The following GTF2F2 variants were observed in gnomAD, a reference collection of about 807,000 sequenced individuals.
The protein encoded by GTF2F2 is ATP-dependent helicase GTF2F2.
In GTF2F2, 23 loss-of-function variants were observed where a neutral mutation model predicts 42.2. The observed-to-expected ratio is 0.55, with a 90% CI of 0.39 to 0.77. GTF2F2 has a LOEUF of 0.77. Among genes scored for constraint, GTF2F2 ranks in the 30% least tolerant of loss-of-function variants. GTF2F2 has a pLI of 0.00. For synonymous variants in GTF2F2, 105 were observed against 100.8 expected, an observed-to-expected ratio of 1.04 and a Z score of -0.25; for missense variants, 261 against 287.2, an observed-to-expected ratio of 0.91 and a Z score of 0.66.
Position 45,212,473 on chromosome 13 carries a change from T to C in GTF2F2, c.386+4968T>C, listed in dbSNP as rs1477735650. On this transcript the variant is annotated intron_variant, in intron 5 of 7. Coordinates refer to ENST00000340473, the MANE Select transcript of GTF2F2 (RefSeq NM_004128.3). ...TTTCTTTCTTTCTTTCTTTCTTTCT[T>C]TCTTTCTTTCTTTCTTTCTTTCTTT... Among the ~76,000 whole-genome samples the C allele has an allele frequency of 7.2e-3, 925 of 128,310 alleles. 52 individuals are homozygous for C. The highest frequency in any genetic ancestry group is 0.026 in the African/African-American group (850 of 32,182). The allele number at this position is 128,310 out of a possible 152,430, so 84.2% of individuals were successfully genotyped here.
chr13:45,167,401 T>G (rs1308453629), intron 4 of GTF2F2, among the ~76,000 whole-genome samples: 1 of 146,602 alleles, frequency 6.8e-6, no homozygotes, highest in Non-Finnish European at 1.5e-5. Context: ...CAGCTATTTT[T>G]TTTTTTTTTT....
intron 4 of GTF2F2, among the ~76,000 whole-genome samples, chr13:45,165,664 T>C (rs1733680872): frequency 6.6e-6 from 1 of 151,216 alleles, no homozygotes; most frequent in African/African-American, 2.4e-5. Flanking sequence ...CATATACCTA[T>C]CATTCATCTT....
chr13:45,248,394 C>G (rs1875735678), intron 5 of GTF2F2, among the ~76,000 whole-genome samples: 1 of 151,584 alleles, frequency 6.6e-6, no homozygotes, highest in Non-Finnish European at 1.5e-5. Flanking sequence ...TGAATTTGCA[C>G]CAAGTTTTTT....
chr13:45,146,695 G>A (rs957092451), intron 2 of GTF2F2, among the ~76,000 whole-genome samples: 1 of 152,192 alleles, frequency 6.6e-6, no homozygotes, highest in Admixed American at 6.5e-5. Flanking sequence ...ACAGGAATGA[G>A]ACCGGAATCT....
rs543349849 is a variant in GTF2F2, at chr13:45,283,728, T to A, written c.*167T>A. 314 of 409,142 alleles carry A rather than the reference T, an allele frequency of 7.7e-4. 1 individual carries two copies. The highest frequency in any genetic ancestry group is 5.3e-3 in the African/African-American group (258 of 48,452). 25.3% of individuals were successfully genotyped at this position (409,142 alleles called of 1,614,324 possible). ...TGTAATTCTTGTAAAGTTTCTTAAC[T>A]GTTTTTTTGAGGAGAAAGAACAGAT... is the stretch of plus-strand genomic sequence containing the variant. On this transcript the variant is annotated 3_prime_UTR_variant, in exon 8 of 8. Transcript: ENST00000340473.
At chr13:45,128,196 G>T (rs1357910770) in intron 1 of GTF2F2, among the ~76,000 whole-genome samples, 1 of 145,812 alleles carries the variant, frequency 6.9e-6, no homozygotes, top group Admixed American at 6.8e-5. Context: ...TCCTGACCTC[G>T]TGATCCGCCT....
At chr13:45,197,647 T>C (rs1356330570) in intron 4 of GTF2F2, among the ~76,000 whole-genome samples, 2 of 152,176 alleles carry the variant, frequency 1.3e-5, no homozygotes, top group Non-Finnish European at 2.9e-5. Flanking sequence ...GTGGTACACA[T>C]GCCCCTTAGG....
Position 45,226,224 on chromosome 13 carries a change from C to G in GTF2F2, c.386+18719C>G, listed in dbSNP as rs533661956. On this transcript the variant is annotated intron_variant, in intron 5 of 7. Coordinates refer to ENST00000340473, the MANE Select transcript of GTF2F2 (RefSeq NM_004128.3). Reference sequence around the variant, plus strand: ...AGTACCATGTGACTGTATTACCTAACCAAAAGGAAATTTGAGGCTATATAT... The same window carrying G: ...AGTACCATGTGACTGTATTACCTAAGCAAAAGGAAATTTGAGGCTATATAT... Among the ~76,000 whole-genome samples, 6 of 152,156 alleles carry G rather than the reference C, an allele frequency of 3.9e-5. No individual in the cohort carries two copies. The South Asian group carries it at 1.2e-3, about 32-fold the overall frequency.
In GTF2F2 at chr13:45,228,669, C is replaced by CTTTTTTTTTTTTTTT. The variant is rs57570023; in HGVS notation, c.386+21168_386+21182dup. 6.5e-5 allele frequency among the ~76,000 whole-genome samples: 7 copies of CTTTTTTTTTTTTTTT among 108,300 alleles called. 1 individual carries two copies. Among genetic ancestry groups the CTTTTTTTTTTTTTTT allele is most frequent in the African/African-American group, 2.9e-4 (6 of 20,948 alleles). The allele number at this position is 108,300 out of a possible 152,430, so 71.0% of individuals were successfully genotyped here. On this transcript the variant is annotated intron_variant, in intron 5 of 7. Transcript: ENST00000340473. The stretch of plus-strand genomic sequence containing the variant: ...TCTCCTTATTGCTGCCAGAGTTAAT[C>CTTTTTTTTTTTTTTT]TTTTTTTTTTTTTTTTTTGAGACGG...
At chr13:45,260,171 GA>G (rs1450114710) in intron 6 of GTF2F2, among the ~76,000 whole-genome samples, 1 of 152,164 alleles carries the variant, frequency 6.6e-6, no homozygotes, top group Non-Finnish European at 1.5e-5. Context: ...TGTGGCAGCC[GA>G]CTGTGTTAGT....
chr13:45,246,100 C>T (rs1183586029), intron 5 of GTF2F2, among the ~76,000 whole-genome samples: 1 of 151,070 alleles, frequency 6.6e-6, no homozygotes, highest in Non-Finnish European at 1.5e-5. Context: ...GCTCCGCCTG[C>T]CGGGTTCACG....
intron 4 of GTF2F2, among the ~76,000 whole-genome samples, chr13:45,165,331 A>ATATAT (rs761914958): frequency 8.0e-5 from 11 of 136,922 alleles, no homozygotes; most frequent in African/African-American, 2.9e-4. Flanking sequence ...ATATATATAT[A>ATATAT]TTTTTTTTTT....
chr13:45,131,419 A>G (rs1869338297), intron 1 of GTF2F2, among the ~76,000 whole-genome samples: 1 of 152,194 alleles, frequency 6.6e-6, no homozygotes, highest in Non-Finnish European at 1.5e-5. Context: ...ATTAGCTCTC[A>G]GATATTGTTG....
chr13:45,164,260 A>G (rs1593464574), intron 4 of GTF2F2, among the ~76,000 whole-genome samples: 5 of 152,132 alleles, frequency 3.3e-5, no homozygotes, highest in African/African-American at 1.2e-4. Context: ...AGCCTGGGCA[A>G]CACAGTGAGA....
intron 4 of GTF2F2, among the ~76,000 whole-genome samples, chr13:45,181,178 AAACAAACAAAC>A (rs1872141273): frequency 7.6e-6 from 1 of 132,270 alleles, no homozygotes; most frequent in South Asian, 2.2e-4. Flanking sequence ...AAAGACAAAA[AAACAAACAAAC>A]AAAAAAAAAA....
At chr13:45,152,194 C>T (rs1011199710) in intron 4 of GTF2F2, among the ~76,000 whole-genome samples, 4 of 152,260 alleles carry the variant, frequency 2.6e-5, no homozygotes, top group African/African-American at 7.2e-5. Flanking sequence ...GGATTACAGG[C>T]GTGAGCCACC....
rs553522450 is a variant in GTF2F2 at position 45,167,232 on chromosome 13, A to ATT, written c.304+15419_304+15420dup. Among the ~76,000 whole-genome samples, 844 of 127,668 alleles carry ATT rather than the reference A, an allele frequency of 6.6e-3. 8 individuals carry two copies. The highest frequency in any genetic ancestry group is 0.022 in the African/African-American group (796 of 35,862). The allele number at this position is 127,668 out of a possible 152,430, so 83.8% of individuals were successfully genotyped here. On this transcript the variant is annotated intron_variant, in intron 4 of 7. Coordinates refer to ENST00000340473, the MANE Select transcript of GTF2F2 (RefSeq NM_004128.3). ...CACATACTATACATACTATTTTACTATTTTTTTTTTTTTTTTTTTAAAGAT... is the reference window on the plus strand; with the variant it reads ...CACATACTATACATACTATTTTACTATTTTTTTTTTTTTTTTTTTTTAAAGAT...
chr13:45,206,402 T>C (rs1447819131), intron 4 of GTF2F2: 2 of 152,226 alleles, frequency 1.3e-5, no homozygotes, highest in African/African-American at 4.8e-5. Flanking sequence ...CTTAATCATC[T>C]TGATTCCACA....
chr13:45,284,444 T>A lies in GTF2F2; in HGVS notation c.*883T>A, dbSNP rs1877385134. The A allele has an allele frequency of 6.6e-6, 1 of 152,196 alleles. No individual in the cohort carries two copies. The highest frequency in any genetic ancestry group is 2.1e-4 in the South Asian group (1 of 4,836). 9.4% of individuals were successfully genotyped at this position (152,196 alleles called of 1,614,324 possible). Reference sequence around the variant, plus strand: ...ATGTTGCTTTTCTCTTTCTCTTTAATTAATTTTTAAATGAAAACAATACAT... The same window carrying A: ...ATGTTGCTTTTCTCTTTCTCTTTAAATAATTTTTAAATGAAAACAATACAT... On this transcript the variant is annotated 3_prime_UTR_variant, in exon 8 of 8. Coordinates refer to ENST00000340473, the MANE Select transcript of GTF2F2 (RefSeq NM_004128.3).
Sources: gnomAD v4.1 joint callset for allele counts (sites outside exome capture counted in the v4.1 genomes callset) on GRCh38, gnomAD v4.1.1 for gene constraint, MANE v1.5 for transcripts, NCBI Gene and HGNC (gene_info 2026-07-23, HGNC 2026-07-21) for gene names.